ANKRD44: variants seen among roughly 807,000 people sequenced by gnomAD.
ANKRD44 encodes the protein ankyrin repeat domain 44, also known as serine/threonine-protein phosphatase 6 regulatory ankyrin repeat subunit B.
ANKRD44 carries 35 observed loss-of-function variants against 116.0 expected under a neutral mutation model. That is an observed-to-expected ratio of 0.30 (90% confidence interval 0.23 to 0.40). The LOEUF (loss-of-function observed/expected upper bound fraction) is 0.40. ANKRD44 is among the 10% of genes least tolerant of loss of function. ANKRD44 has a pLI of 1.00. For missense variants in ANKRD44, 1,014 were observed against 1,242.6 expected (o/e 0.82, Z 2.77); for synonymous variants, 435 against 461.8 (o/e 0.94, Z 0.74).
chr2:197,053,576 T>C (rs1198369799), intron 16 of ANKRD44, among the ~76,000 whole-genome samples: 4 of 152,122 alleles, frequency 2.6e-5, no homozygotes, highest in Non-Finnish European at 5.9e-5. Flanking sequence ...CTCTGTCTCC[T>C]GGGTTCAAGT....
intron 10 of ANKRD44, among the ~76,000 whole-genome samples, chr2:197,095,832 CATA>C (rs2078148414): frequency 6.6e-6 from 1 of 152,164 alleles, no homozygotes; most frequent in South Asian, 2.1e-4. Context: ...GGGAAGCACT[CATA>C]ATGTTTGCTA....
At chr2:197,064,412 G>C (rs939536950) in intron 16 of ANKRD44, among the ~76,000 whole-genome samples, 1 of 152,174 alleles carries the variant, frequency 6.6e-6, no homozygotes, top group African/African-American at 2.4e-5. Context: ...AAAATAACCA[G>C]CTAACATCAT....
At chr2:197,133,139 G>C (rs557491803) in intron 4 of ANKRD44, among the ~76,000 whole-genome samples, 55 of 152,306 alleles carry the variant, frequency 3.6e-4, no homozygotes, top group Admixed American at 9.1e-4. Context: ...CACCACGTTG[G>C]CAAGGGGCAG....
At chr2:197,237,588 T>C (rs1445808737) in intron 1 of ANKRD44, among the ~76,000 whole-genome samples, 1 of 152,166 alleles carries the variant, frequency 6.6e-6, no homozygotes, top group African/African-American at 2.4e-5. Flanking sequence ...ACACCCATTG[T>C]CCACCCCATA....
At chr2:197,064,326 G>A (rs916919881) in intron 16 of ANKRD44, among the ~76,000 whole-genome samples, 7 of 152,232 alleles carry the variant, frequency 4.6e-5, no homozygotes, top group South Asian at 4.1e-4. Flanking sequence ...AGGAACAACC[G>A]GTACCAGCCA....
At chr2:197,143,515 A>G (rs2125416101) in intron 3 of ANKRD44, among the ~76,000 whole-genome samples, 1 of 151,906 alleles carries the variant, frequency 6.6e-6, no homozygotes, top group East Asian at 1.9e-4. Flanking sequence ...CCATGTCCCT[A>G]CAAAGGACAT....
chr2:197,284,541 C>CACACAA (rs2083354134), intron 1 of ANKRD44, among the ~76,000 whole-genome samples: 1 of 75,702 alleles, frequency 1.3e-5, no homozygotes, highest in South Asian at 4.5e-4. Context: ...CACACACACA[C>CACACAA]ATAATTTGTG....
chr2:197,108,610 G>A lies in ANKRD44; in HGVS notation c.985+2156C>T, dbSNP rs147514148. 9.5e-4 allele frequency among the ~76,000 whole-genome samples: 145 copies of A among 152,226 alleles called. No individual in the cohort carries two copies. The East Asian group carries it at 0.024, about 25-fold the overall frequency. On this transcript the variant is annotated intron_variant, in intron 9 of 27. Transcript: ENST00000282272. The stretch of plus-strand genomic sequence containing the variant: ...GCCCAGCATTTTGGGAGGCCAAGGT[G>A]GACAGATCATTTGAGGCCAGGAGTT...
intron 21 of ANKRD44, 51 bp from the exon 22 acceptor site, chr2:197,001,891 C>T: frequency 7.1e-7 from 1 of 1,400,674 alleles, no homozygotes; most frequent in Non-Finnish European, 1.0e-6. Flanking sequence ...AAATTTTGTT[C>T]AACCCAATCT....
At chr2:197,222,808 T>A (rs954455069) in intron 1 of ANKRD44, among the ~76,000 whole-genome samples, 1 of 136,262 alleles carries the variant, frequency 7.3e-6, no homozygotes, top group Non-Finnish European at 1.6e-5. Flanking sequence ...TTTATTTATT[T>A]TTTATTTATT....
At chr2:197,296,394 C>A (rs1381964673) in intron 1 of ANKRD44, 1 of 152,126 alleles carries the variant, frequency 6.6e-6, no homozygotes, top group Non-Finnish European at 1.5e-5. Flanking sequence ...TTTTGTTAGT[C>A]CAATCCTAGA....
intron 18 of ANKRD44, among the ~76,000 whole-genome samples, chr2:197,011,428 G>A (rs974099575): frequency 1.3e-5 from 2 of 151,186 alleles, no homozygotes; most frequent in African/African-American, 2.4e-5. Flanking sequence ...GTTTTGTTTT[G>A]TTTTTTGGTA....
At position 197,099,902 on chromosome 2, in the gene ANKRD44, G is replaced by A. The variant is rs772410261; in HGVS notation, c.1014C>T (p.Asp338=). The A allele has an allele frequency of 3.1e-5, 50 of 1,613,946 alleles. No homozygotes were observed. Among genetic ancestry groups the A allele is most frequent in the South Asian group, 1.5e-4 (14 of 91,088 alleles). The change falls in exon 10 of 28, where the codon GAC becomes GAT. Residue 338 remains aspartate (D), a synonymous_variant. Transcript: ENST00000282272. ...CAGCCACATGGAGAGGAGTGTTGCC[G>A]TCCTTATCCACACAGTCAATTTCAC... ...NGGEIDCVDK[D]GNTPLHVAAR... is the part of the protein sequence containing the mutation.
intron 3 of ANKRD44, among the ~76,000 whole-genome samples, chr2:197,136,947 T>A (rs112642405): frequency 6.6e-6 from 1 of 152,154 alleles, no homozygotes; most frequent in South Asian, 2.1e-4. Context: ...GCTCACTACT[T>A]TCTCAAACTA....
chr2:197,298,384 C>G (rs1223974930), intron 1 of ANKRD44, among the ~76,000 whole-genome samples: 3 of 152,128 alleles, frequency 2.0e-5, no homozygotes, highest in Non-Finnish European at 4.4e-5. Flanking sequence ...AGTTATGGAG[C>G]CACTTAAACT....
At chr2:197,002,971 G>T (rs1225833122) in intron 21 of ANKRD44, among the ~76,000 whole-genome samples, 3 of 152,080 alleles carry the variant, frequency 2.0e-5, no homozygotes, top group African/African-American at 7.2e-5. Flanking sequence ...AGGCAATATT[G>T]CTTTTAGACA....
chr2:196,996,730 C>T (rs1310226205), intron 25 of ANKRD44, among the ~76,000 whole-genome samples: 1 of 151,914 alleles, frequency 6.6e-6, no homozygotes, highest in African/African-American at 2.4e-5. Flanking sequence ...TGGTGAAACT[C>T]CATCTCTCCT....
rs1172988030 is a variant in ANKRD44 at position 197,034,066 on chromosome 2, G to GAGAGAGAGAGAGAGAGAC, written c.1651-8800_1651-8799insGTCTCTCTCTCTCTCTCT. On this transcript the variant is annotated intron_variant, in intron 16 of 27. Transcript: ENST00000282272. ...TATGAGGGCTAGAGAGAGAGAGAGA[G>GAGAGAGAGAGAGAGAGAC]AGAGAGAGAGAGAGAGAGAGCTCAT... is the stretch of plus-strand genomic sequence containing the variant. Among the ~76,000 whole-genome samples, 21 of 151,778 alleles carry GAGAGAGAGAGAGAGAGAC rather than the reference G, an allele frequency of 1.4e-4. 2 individuals carry two copies. The East Asian group carries it at 4.1e-3, about 30-fold the overall frequency.
chr2:197,114,804 A>C (rs537422276), intron 8 of ANKRD44, among the ~76,000 whole-genome samples: 2 of 152,188 alleles, frequency 1.3e-5, no homozygotes, highest in Non-Finnish European at 2.9e-5. Context: ...AAACCCAATA[A>C]GTCTTCCTAA....
Sources: gnomAD v4.1 joint callset for allele counts (sites outside exome capture counted in the v4.1 genomes callset) on GRCh38, gnomAD v4.1.1 for gene constraint, MANE v1.5 for transcripts, NCBI Gene and HGNC (gene_info 2026-07-23, HGNC 2026-07-21) for gene names.